The following AKAP19 variants were observed in gnomAD, a reference collection of about 807,000 sequenced individuals.
AKAP19 encodes the protein A-kinase anchoring protein 19, also known as small A-kinase anchoring protein.
At chr2:190,125,776 A>G in the AKAP19 span, among the ~76,000 whole-genome samples, 1 of 152,220 alleles carries the variant, frequency 6.6e-6, no homozygotes, top group African/African-American at 2.4e-5. Context: ...GGGGAACAAA[A>G]TAAATGCTTC....
chr2:190,057,681 G>A, the AKAP19 span: 45 of 1,603,254 alleles, frequency 2.8e-5, 1 homozygote, highest in South Asian at 4.9e-4. Context: ...CAATAGGCCT[G>A]GAAACACTTT....
At chr2:189,991,998 A>G in the AKAP19 span, among the ~76,000 whole-genome samples, 1,760 of 151,918 alleles carry the variant, frequency 0.012, 32 homozygotes, top group African/African-American at 0.039. Context: ...TTGAAGATCA[A>G]TTGGCTGAGT....
chr2:189,953,648 A>C, the AKAP19 span, among the ~76,000 whole-genome samples: 409 of 149,872 alleles, frequency 2.7e-3, 5 homozygotes, highest in African/African-American at 9.2e-3. Flanking sequence ...AAAAAAAAAA[A>C]AAAAAAAAAA....
chr2:189,930,396 G>T, the AKAP19 span: 1 of 326,086 alleles, frequency 3.1e-6, no homozygotes, highest in South Asian at 4.0e-5. Flanking sequence ...ATTGAATTGG[G>T]GCTGGGCGCG....
the AKAP19 span, among the ~76,000 whole-genome samples, chr2:190,163,511 T>G: frequency 6.6e-6 from 1 of 151,884 alleles, no homozygotes. Context: ...GGTCTTAGCC[T>G]GAAATTCATA....
chr2:190,196,663 G>T, the AKAP19 span, among the ~76,000 whole-genome samples: 1 of 151,794 alleles, frequency 6.6e-6, no homozygotes, highest in Non-Finnish European at 1.5e-5. Flanking sequence ...AAATGGTATT[G>T]TTTTATTTCT....
At chr2:190,185,975 G>C in the AKAP19 span, among the ~76,000 whole-genome samples, 122 of 152,238 alleles carry the variant, frequency 8.0e-4, 1 homozygote, top group African/African-American at 2.9e-3. Flanking sequence ...TTTTGAGACA[G>C]AGTCTTCACT....
the AKAP19 span, among the ~76,000 whole-genome samples, chr2:190,172,354 G>A: frequency 6.6e-6 from 1 of 151,966 alleles, no homozygotes; most frequent in African/African-American, 2.4e-5. Flanking sequence ...TTATCTCTGT[G>A]GCTGGCTCTA....
chr2:190,094,446 C>T, the AKAP19 span, among the ~76,000 whole-genome samples: 2 of 152,082 alleles, frequency 1.3e-5, no homozygotes, highest in African/African-American at 4.8e-5. Flanking sequence ...GTAAAAAAGG[C>T]CGTGATTGAA....
the AKAP19 span, among the ~76,000 whole-genome samples, chr2:190,020,679 C>T: frequency 1.3e-5 from 2 of 152,114 alleles, no homozygotes; most frequent in African/African-American, 4.8e-5. Context: ...GGAACCATCA[C>T]CACCATTTAT....
At chr2:189,884,540 C>T in the AKAP19 span, among the ~76,000 whole-genome samples, 1 of 152,150 alleles carries the variant, frequency 6.6e-6, no homozygotes, top group Non-Finnish European at 1.5e-5. Context: ...AAACAAGATT[C>T]CCAGCCACAC....
the AKAP19 span, among the ~76,000 whole-genome samples, chr2:189,975,898 A>G: frequency 2.0e-5 from 3 of 152,050 alleles, no homozygotes; most frequent in African/African-American, 7.2e-5. Context: ...TCTTTTTTCA[A>G]GGTTTTTAGC....
the AKAP19 span, chr2:190,062,381 G>A: frequency 3.7e-6 from 6 of 1,613,424 alleles, no homozygotes; most frequent in Non-Finnish European, 4.2e-6. Context: ...CATCTTTGCT[G>A]ATGTTAGGAG....
the AKAP19 span, among the ~76,000 whole-genome samples, chr2:189,912,405 G>A: frequency 6.6e-6 from 1 of 152,070 alleles, no homozygotes; most frequent in African/African-American, 2.4e-5. Context: ...GCTGGGCATA[G>A]TGGCTCAGAC....
At chr2:190,006,581 G>T in the AKAP19 span, among the ~76,000 whole-genome samples, 1 of 149,760 alleles carries the variant, frequency 6.7e-6, no homozygotes, top group Non-Finnish European at 1.5e-5. Context: ...AGAGCTTGCA[G>T]TGAGCCGAGA....
At chr2:189,980,024 C>T in the AKAP19 span, among the ~76,000 whole-genome samples, 3 of 152,160 alleles carry the variant, frequency 2.0e-5, no homozygotes, top group South Asian at 2.1e-4. Flanking sequence ...TCTCAAAGAG[C>T]TTAGAACTAT....
the AKAP19 span, among the ~76,000 whole-genome samples, chr2:189,976,128 G>T: frequency 2.0e-5 from 3 of 152,146 alleles, no homozygotes; most frequent in Non-Finnish European, 1.5e-5. Context: ...TTTGGTTTTT[G>T]ATGATGGTGA....
At chr2:189,970,140 T>C in the AKAP19 span, among the ~76,000 whole-genome samples, 1 of 152,138 alleles carries the variant, frequency 6.6e-6, no homozygotes, top group African/African-American at 2.4e-5. Context: ...GTGCTGAGAT[T>C]ACAGGCATGA....
At chr2:189,941,914 A>G in the AKAP19 span, among the ~76,000 whole-genome samples, 1 of 152,226 alleles carries the variant, frequency 6.6e-6, no homozygotes, top group Non-Finnish European at 1.5e-5. Flanking sequence ...GCTGCCTATG[A>G]GAAACCCAGT....
Sources: gnomAD v4.1 joint callset for allele counts (sites outside exome capture counted in the v4.1 genomes callset) on GRCh38, gnomAD v4.1.1 for gene constraint, MANE v1.5 for transcripts, NCBI Gene and HGNC (gene_info 2026-07-23, HGNC 2026-07-21) for gene names.